PCDHGB1: variants seen among roughly 807,000 people sequenced by gnomAD.
PCDHGB1 encodes protocadherin gamma subfamily B, 1.
Under a neutral mutation model 56.6 loss-of-function variants are expected in PCDHGB1, and 34 were observed. That is an observed-to-expected ratio of 0.60 (90% CI 0.46 to 0.80). The LOEUF (loss-of-function observed/expected upper bound fraction) is 0.80, where lower values mean the gene tolerates loss of function less well. Ranked by LOEUF, PCDHGB1 falls within the 30% of genes least tolerant of loss-of-function variation. PCDHGB1 has a pLI of 0.00. For missense variants in PCDHGB1, 1,278 were observed against 1,204.6 expected, an observed-to-expected ratio of 1.06 and a Z score of -0.90; for synonymous variants, 561 against 505.9, an observed-to-expected ratio of 1.11 and a Z score of -1.46.
At chr5:141,355,738 C>T in intron 1 of PCDHGB1, 1 of 1,613,980 alleles carries the variant, frequency 6.2e-7, no homozygotes, top group African/African-American at 1.3e-5. Context: ...TTACTTTTCC[C>T]TGGACGTGCA....
In PCDHGB1 at chr5:141,487,715, C is replaced by T. The variant is rs1209272301; in HGVS notation, c.2410-7092C>T. 2.5e-6 allele frequency: 4 copies of T among 1,582,708 alleles called. No individual in the cohort carries two copies. The highest frequency in any genetic ancestry group is 1.8e-5 in the Admixed American group (1 of 54,696). The stretch of plus-strand genomic sequence containing the variant: ...GAGTACTGGCCTCTCAGTAAGTGCC[C>T]ATAGTGATGTCACCATTTTTGTAAG... On this transcript the variant is annotated intron_variant, in intron 1 of 3. Transcript: ENST00000523390. This position sits in a 1 kb window ranked among gnomAD's most constrained non-coding sequence, Gnocchi z 5.0.
Position 141,352,545 on chromosome 5 carries a change from A to G in PCDHGB1, c.2285A>G (p.Asn762Ser), listed in dbSNP as rs757217800. 16 of 1,613,950 alleles carry G rather than the reference A, an allele frequency of 9.9e-6. No homozygotes were observed. Among genetic ancestry groups the G allele is most frequent in the Non-Finnish European group, 1.4e-5 (16 of 1,179,878 alleles). ...TCTCATTCTGCAAAGACAGAGTTTA[A>G]TTCTCTCAACCTGACACCGGAAATG... ...IASHSAKTEF[N>S]SLNLTPEMAP... Residue 762 changes from asparagine to serine, a missense_variant, in exon 1 of 4, where the codon AAT (asparagine) becomes AGT (serine). Physicochemically the swap from Asn to Ser is conservative, Grantham distance 46. Transcript: ENST00000523390.
chr5:141,508,799 C>T (rs962590711), intron 3 of PCDHGB1, among the ~76,000 whole-genome samples: 1 of 152,110 alleles, frequency 6.6e-6, no homozygotes, highest in Non-Finnish European at 1.5e-5. Context: ...ACTCTGGAAT[C>T]CTGGCTCTTT....
rs148433768 is a variant in PCDHGB1 at position 141,385,635 on chromosome 5, C to T, written c.2409+32966C>T. 5.7e-6 allele frequency: 5 copies of T among 870,078 alleles called. No homozygotes were observed. The African/African-American group carries it at 8.9e-5, about 15-fold the overall frequency. 53.9% of individuals were successfully genotyped at this position (870,078 alleles called of 1,614,324 possible). A position where few individuals can be genotyped will look rare whatever the true frequency, so the allele number is the denominator to read the frequency against. On this transcript the variant is annotated intron_variant, in intron 1 of 3. Transcript: ENST00000523390. ...TTTTATACATTGGAATGAATCGAGT[C>T]TTTCATATTGCACAAGGTTAGCAGG...
chr5:141,375,785 C>G, intron 1 of PCDHGB1: 1 of 1,614,256 alleles, frequency 6.2e-7, no homozygotes, highest in Non-Finnish European at 8.5e-7. Context: ...CCCCGCCCTC[C>G]CCACAGACGG....
At chr5:141,409,858 G>A in intron 1 of PCDHGB1, 2 of 1,612,340 alleles carry the variant, frequency 1.2e-6, no homozygotes, top group Non-Finnish European at 1.7e-6. Context: ...GCGTGTTGGT[G>A]GGAGACCGCA....
chr5:141,465,385 C>T (rs752724696), intron 1 of PCDHGB1, among the ~76,000 whole-genome samples: 3 of 151,978 alleles, frequency 2.0e-5, no homozygotes, highest in Admixed American at 6.6e-5. Context: ...AGATTAGGAA[C>T]AAAAACAAGT....
intron 1 of PCDHGB1, chr5:141,383,327 T>G (rs576010988): frequency 1.2e-6 from 2 of 1,613,978 alleles, no homozygotes; most frequent in South Asian, 2.2e-5. Context: ...GTAAAAATAA[T>G]GGAGAATACA....
At chr5:141,478,567 C>T (rs371741874) in intron 1 of PCDHGB1, 20 of 1,593,698 alleles carry the variant, frequency 1.3e-5, no homozygotes, top group Non-Finnish European at 1.7e-5. Flanking sequence ...GCAAGTCATG[C>T]TTGACCCTGT....
intron 1 of PCDHGB1, chr5:141,422,772 C>A: frequency 6.2e-7 from 1 of 1,613,922 alleles, no homozygotes. Flanking sequence ...CTGGTGTTCT[C>A]TATGCCCTAC....
intron 1 of PCDHGB1, chr5:141,409,189 C>T (rs1216028242): frequency 6.2e-7 from 1 of 1,613,918 alleles, no homozygotes; most frequent in Admixed American, 1.7e-5. Flanking sequence ...GTCTCTCTAC[C>T]CAGTGTAAAG....
At chr5:141,362,131 G>A in intron 1 of PCDHGB1, 2 of 1,614,048 alleles carry the variant, frequency 1.2e-6, no homozygotes, top group Non-Finnish European at 1.7e-6. Flanking sequence ...AATCTTCGCG[G>A]ATAGCCTGCA....
intron 1 of PCDHGB1, among the ~76,000 whole-genome samples, chr5:141,450,006 C>CTATTTT (rs70988802): frequency 0.12 from 16,177 of 132,696 alleles, 1,810 homozygotes; most frequent in African/African-American, 0.21. Flanking sequence ...TGCCATGTCT[C>CTATTTT]TTTTTTTTTT....
At chr5:141,409,916 T>C (rs762510018) in intron 1 of PCDHGB1, 3 of 1,613,298 alleles carry the variant, frequency 1.9e-6, no homozygotes, top group Non-Finnish European at 2.5e-6. Flanking sequence ...TCCTGACGGC[T>C]CCGCGTTCTT....
At chr5:141,469,372 C>G (rs780872014) in intron 1 of PCDHGB1, among the ~76,000 whole-genome samples, 5 of 151,990 alleles carry the variant, frequency 3.3e-5, no homozygotes, top group Non-Finnish European at 5.9e-5. Flanking sequence ...GTAAAGAGAT[C>G]GAGACCATCC....
chr5:141,461,216 T>C (rs1050704259), intron 1 of PCDHGB1, among the ~76,000 whole-genome samples: 2 of 152,168 alleles, frequency 1.3e-5, no homozygotes, highest in African/African-American at 4.8e-5. Flanking sequence ...ATCTCCATAC[T>C]GTTTTCCATA....
chr5:141,422,643 C>T, intron 1 of PCDHGB1: 1 of 1,612,336 alleles, frequency 6.2e-7, no homozygotes, highest in Non-Finnish European at 8.5e-7. Flanking sequence ...GTGCCTCCAT[C>T]TTCTCAGTGA....
chr5:141,441,797 G>A, intron 1 of PCDHGB1: 2 of 386,536 alleles, frequency 5.2e-6, no homozygotes, highest in Non-Finnish European at 1.0e-5. Context: ...ACAACGCACC[G>A]CGGGTGCTGT....
intron 1 of PCDHGB1, chr5:141,419,816 C>A (rs910172118): frequency 7.4e-6 from 12 of 1,613,940 alleles, no homozygotes; most frequent in Non-Finnish European, 1.0e-5. Context: ...AGGACAGCCA[C>A]CCCTTTCAGC....
Sources: gnomAD v4.1 joint callset for allele counts (sites outside exome capture counted in the v4.1 genomes callset) on GRCh38, gnomAD v4.1.1 for gene constraint, Gnocchi (gnomAD v3.1) non-coding constraint, MANE v1.5 for transcripts, NCBI Gene and HGNC (gene_info 2026-07-23, HGNC 2026-07-21) for gene names.